The following CSMD1 variants were observed in gnomAD, a reference collection of about 807,000 sequenced individuals.
The protein encoded by CSMD1 is CUB and sushi domain-containing protein 1.
In CSMD1, 213 loss-of-function variants were observed where a neutral mutation model predicts 417.5. That is an observed-to-expected ratio of 0.51 (90% CI 0.46 to 0.57). CSMD1 has a LOEUF of 0.57. CSMD1 is among the 20% of genes least tolerant of loss of function. The pLI is 0.00. For synonymous variants in CSMD1, 2,862 were observed against 1,736.8 expected (o/e 1.65, Z -16.11); for missense variants, 6,923 against 4,529.7 (o/e 1.53, Z -15.17).
intron 3 of CSMD1, among the ~76,000 whole-genome samples, chr8:4,108,142 A>T (rs1176114346): frequency 1.3e-5 from 2 of 151,886 alleles, no homozygotes; most frequent in Admixed American, 1.3e-4. Context: ...GGAAGGGGAG[A>T]AGACAGAAGA....
intron 40 of CSMD1, among the ~76,000 whole-genome samples, chr8:3,146,486 C>T (rs1818852557): frequency 6.6e-6 from 1 of 152,032 alleles, no homozygotes; most frequent in Non-Finnish European, 1.5e-5. Context: ...TATTATATTC[C>T]CTTTAAAAAT....
At chr8:4,825,688 C>T (rs558645741) in intron 1 of CSMD1, among the ~76,000 whole-genome samples, 1 of 150,502 alleles carries the variant, frequency 6.6e-6, no homozygotes, top group Non-Finnish European at 1.5e-5. Flanking sequence ...GAAAAGGCAA[C>T]CTACAGAATG....
intron 7 of CSMD1, among the ~76,000 whole-genome samples, chr8:3,657,191 G>A (rs1348190251): frequency 6.6e-6 from 1 of 152,140 alleles, no homozygotes; most frequent in African/African-American, 2.4e-5. Flanking sequence ...GATGCTGCAG[G>A]ATCTATGTTT....
At chr8:2,966,143 G>C (rs1443315187) in intron 58 of CSMD1, among the ~76,000 whole-genome samples, 189 bp from the exon 59 acceptor site, 1 of 152,144 alleles carries the variant, frequency 6.6e-6, no homozygotes, top group Non-Finnish European at 1.5e-5. Flanking sequence ...CTTGTATTTT[G>C]AGAATCACTG....
At chr8:3,422,693 G>A (rs1234217543) in intron 12 of CSMD1, among the ~76,000 whole-genome samples, 1 of 152,152 alleles carries the variant, frequency 6.6e-6, no homozygotes, top group Non-Finnish European at 1.5e-5. Context: ...GTGATTTTAT[G>A]TATTTTTCAT....
At chr8:4,925,373 T>A (rs941830021) in intron 1 of CSMD1, among the ~76,000 whole-genome samples, 2 of 151,910 alleles carry the variant, frequency 1.3e-5, no homozygotes. Context: ...CTGACATTTC[T>A]TTAGCAGTTA....
intron 5 of CSMD1, among the ~76,000 whole-genome samples, chr8:3,758,123 C>G (rs573964102): frequency 7.6e-4 from 115 of 152,158 alleles, no homozygotes; most frequent in Middle Eastern, 3.4e-3. Context: ...GCCACCACAC[C>G]TGGCTAATTT....
chr8:3,923,480 T>C (rs1809425342), intron 5 of CSMD1, among the ~76,000 whole-genome samples: 1 of 152,232 alleles, frequency 6.6e-6, no homozygotes, highest in Non-Finnish European at 1.5e-5. Context: ...ATGTGGGACA[T>C]GTTTACCCTT....
chr8:4,216,998 C>G (rs577114197), intron 3 of CSMD1, among the ~76,000 whole-genome samples: 2 of 152,272 alleles, frequency 1.3e-5, no homozygotes, highest in South Asian at 4.1e-4. Context: ...ACTTCTCTAA[C>G]TAGAATTGTC....
chr8:4,011,039 G>C (rs914998469), intron 4 of CSMD1, among the ~76,000 whole-genome samples: 4 of 152,262 alleles, frequency 2.6e-5, no homozygotes, highest in South Asian at 2.1e-4. Context: ...AAAGCTGCCA[G>C]CATCTCTTGC....
chr8:4,476,203 T>C lies in CSMD1; in HGVS notation c.303-56138A>G, dbSNP rs1184343882. Among the ~76,000 whole-genome samples, 3 of 152,154 alleles carry C rather than the reference T, an allele frequency of 2.0e-5. No homozygotes were observed. The East Asian group carries it at 5.8e-4, about 29-fold the overall frequency. On this transcript the variant is annotated intron_variant, in intron 2 of 69. Coordinates refer to ENST00000635120, the MANE Select transcript of CSMD1 (RefSeq NM_033225.6). ...TCACCAGCATAACTGATAATTTCTTTTTAACAGAAAATAAAACTTTTTTAA... is the reference window on the plus strand; with the variant it reads ...TCACCAGCATAACTGATAATTTCTTCTTAACAGAAAATAAAACTTTTTTAA...
At position 4,839,617 on chromosome 8, in the gene CSMD1, A is replaced by G. The variant is rs190903712; in HGVS notation, c.85+154715T>C. On this transcript the variant is annotated intron_variant, in intron 1 of 69. Coordinates refer to ENST00000635120, the MANE Select transcript of CSMD1 (RefSeq NM_033225.6). Reference sequence around the variant, plus strand: ...ATAGTTATTTTCTGTTTAATACTTCACTTAAGAAGAACTTGTTCCTCACAC... The same window carrying G: ...ATAGTTATTTTCTGTTTAATACTTCGCTTAAGAAGAACTTGTTCCTCACAC... Among the ~76,000 whole-genome samples, 686 of 152,272 alleles carry G rather than the reference A, an allele frequency of 4.5e-3. 17 individuals are homozygous for G. The highest frequency in any genetic ancestry group is 0.041 in the Admixed American group (628 of 15,294).
intron 3 of CSMD1, among the ~76,000 whole-genome samples, chr8:4,282,044 T>G (rs887864637): frequency 1.3e-5 from 2 of 152,232 alleles, no homozygotes; most frequent in African/African-American, 2.4e-5. Context: ...TTATAAACAC[T>G]TTCCCTGGGT....
chr8:4,113,889 G>A (rs555387744), intron 3 of CSMD1, among the ~76,000 whole-genome samples: 1 of 152,184 alleles, frequency 6.6e-6, no homozygotes, highest in East Asian at 1.9e-4. Flanking sequence ...AGGTAAGGAA[G>A]TTGCAGAAGA....
chr8:3,121,599 T>A lies in CSMD1; in HGVS notation c.6242-3012A>T, dbSNP rs149337927. ...TCATTACTAACAGAGCTTTGGGGGCTCCCTAAGAGCTCCAGACATCACCTC... is the reference window on the plus strand; with the variant it reads ...TCATTACTAACAGAGCTTTGGGGGCACCCTAAGAGCTCCAGACATCACCTC... On this transcript the variant is annotated intron_variant, in intron 41 of 69. Coordinates refer to ENST00000635120, the MANE Select transcript of CSMD1 (RefSeq NM_033225.6). 5.5e-4 allele frequency among the ~76,000 whole-genome samples: 84 copies of A among 152,000 alleles called. No homozygotes were observed. In the East Asian group the frequency reaches 0.015, roughly 28 times the overall value.
At chr8:4,595,387 C>CTTTTTTTTTTTTTTTTCTTTTTTTTTTT in intron 2 of CSMD1, among the ~76,000 whole-genome samples, 63 of 147,272 alleles carry the variant, frequency 4.3e-4, no homozygotes, top group African/African-American at 7.2e-4. Flanking sequence ...CATTCATTTT[C>CTTTTTTTTTTTTTTTTCTTTTTTTTTTT]ATTCCATCCA....
chr8:3,582,751 G>C (rs1161407274), intron 9 of CSMD1, among the ~76,000 whole-genome samples: 1 of 152,144 alleles, frequency 6.6e-6, no homozygotes, highest in East Asian at 1.9e-4. Context: ...CTATATGTTA[G>C]CATGATACTA....
At chr8:4,333,087 G>A (rs1799967434) in intron 3 of CSMD1, among the ~76,000 whole-genome samples, 1 of 152,004 alleles carries the variant, frequency 6.6e-6, no homozygotes, top group South Asian at 2.1e-4. Context: ...ACTTTTTTCA[G>A]GATGGAATTG....
At chr8:4,234,987 T>G (rs1801959510) in intron 3 of CSMD1, among the ~76,000 whole-genome samples, 1 of 152,312 alleles carries the variant, frequency 6.6e-6, no homozygotes, top group African/African-American at 2.4e-5. Context: ...ATCTCAATTT[T>G]ATCCCAAAAG....
Sources: gnomAD v4.1 joint callset for allele counts (sites outside exome capture counted in the v4.1 genomes callset) on GRCh38, gnomAD v4.1.1 for gene constraint, MANE v1.5 for transcripts, NCBI Gene and HGNC (gene_info 2026-07-23, HGNC 2026-07-21) for gene names.